Variants in CTNNA3 observed in about 807,000 individuals in gnomAD.
CTNNA3 encodes catenin alpha 3, also known as catenin alpha-3.
In CTNNA3, 76 loss-of-function variants were observed where a neutral mutation model predicts 95.7. The ratio of observed to expected loss-of-function variants is 0.79; its 90% CI spans 0.66 to 0.96. The LOEUF (loss-of-function observed/expected upper bound fraction) is 0.96, where lower values mean the gene tolerates loss of function less well. Ranked by LOEUF, CTNNA3 falls within the 40% of genes least tolerant of loss-of-function variation. CTNNA3 has a pLI of 0.00. For synonymous variants in CTNNA3, 431 were observed against 374.4 expected (o/e 1.15, Z -1.74); for missense variants, 1,191 against 1,089.8 (o/e 1.09, Z -1.31).
At chr10:66,926,462 A>G (rs1337020634) in intron 7 of CTNNA3, 27 of 1,162,616 alleles carry the variant, frequency 2.3e-5, no homozygotes, top group Non-Finnish European at 3.0e-5. Context: ...AAGGGGTCCA[A>G]TTTTTCTTCC....
chr10:67,651,789 C>T (rs1018506095), intron 1 of CTNNA3, among the ~76,000 whole-genome samples: 2 of 152,116 alleles, frequency 1.3e-5, no homozygotes, highest in Admixed American at 1.3e-4. Context: ...TATAGTTTGG[C>T]ATGACTTGTT....
chr10:67,148,652 A>G (rs1860947759), intron 7 of CTNNA3, among the ~76,000 whole-genome samples: 1 of 152,238 alleles, frequency 6.6e-6, no homozygotes, highest in Non-Finnish European at 1.5e-5. Flanking sequence ...ACTGACAAAC[A>G]TATCACATCA....
rs569526501 is a variant in CTNNA3 at position 66,204,594 on chromosome 10, C to A, written c.1884+75876G>T. On this transcript the variant is annotated intron_variant, in intron 13 of 17. Transcript: ENST00000433211. ...ATCTCCTCATAGGAATTAATACTAT[C>A]TCCTGGCACCTATAAATGACGAGTA... is the stretch of plus-strand genomic sequence containing the variant. Among the ~76,000 whole-genome samples, 150 of 152,310 alleles carry A rather than the reference C, an allele frequency of 9.8e-4. 1 individual carries two copies. The highest frequency in any genetic ancestry group is 3.4e-3 in the African/African-American group (142 of 41,574).
chr10:66,810,521 G>GTTCTCAATA (rs902452167), intron 7 of CTNNA3, among the ~76,000 whole-genome samples: 1 of 152,082 alleles, frequency 6.6e-6, no homozygotes, highest in Non-Finnish European at 1.5e-5. Flanking sequence ...CTTATTTTAG[G>GTTCTCAATA]TTCTCAATAT....
At chr10:66,080,522 T>C (rs1301035109) in intron 14 of CTNNA3, among the ~76,000 whole-genome samples, 1 of 152,150 alleles carries the variant, frequency 6.6e-6, no homozygotes, top group Non-Finnish European at 1.5e-5. Context: ...TACTTAAAGA[T>C]GTAGAATATG....
intron 1 of CTNNA3, among the ~76,000 whole-genome samples, chr10:67,743,472 CAATA>C (rs1460715655): frequency 1.3e-5 from 2 of 151,272 alleles, no homozygotes; most frequent in Admixed American, 6.6e-5. Flanking sequence ...TAAAAACTCT[CAATA>C]AATTAGGTAT....
chr10:65,990,504 A>T (rs2078522285), intron 15 of CTNNA3, among the ~76,000 whole-genome samples: 1 of 151,082 alleles, frequency 6.6e-6, no homozygotes, highest in Non-Finnish European at 1.5e-5. Context: ...ATGTTTTCAT[A>T]TACCTATTGG....
At chr10:67,583,292 A>G (rs1484815968) in intron 3 of CTNNA3, among the ~76,000 whole-genome samples, 72 of 151,412 alleles carry the variant, frequency 4.8e-4, no homozygotes, top group Admixed American at 7.9e-4. Context: ...TGTCTGTAAA[A>G]TATTTTATTT....
At chr10:67,749,643 T>A (rs1841393936) in intron 1 of CTNNA3, among the ~76,000 whole-genome samples, 2 of 152,190 alleles carry the variant, frequency 1.3e-5, no homozygotes, top group Non-Finnish European at 2.9e-5. Context: ...TACCAGAATT[T>A]CTGGGATGCA....
intron 10 of CTNNA3, among the ~76,000 whole-genome samples, chr10:66,597,963 A>C (rs1286471397): frequency 2.0e-5 from 3 of 152,050 alleles, no homozygotes; most frequent in Non-Finnish European, 4.4e-5. Flanking sequence ...GCTATTAGAC[A>C]CCGTTAGAAA....
intron 13 of CTNNA3, 115 bp from the exon 14 acceptor site, chr10:66,103,364 T>C (rs2081732399): frequency 1.3e-6 from 1 of 745,010 alleles, no homozygotes; most frequent in African/African-American, 1.7e-5. Flanking sequence ...GACCCAGCAA[T>C]TTCACTCCCA....
intron 9 of CTNNA3, among the ~76,000 whole-genome samples, chr10:66,764,172 G>A (rs947682990): frequency 1.3e-5 from 2 of 152,064 alleles, no homozygotes; most frequent in Non-Finnish European, 2.9e-5. Context: ...GAAACATGTC[G>A]AGTTAAATGA....
At chr10:67,497,218 TA>T (rs1839054208) in intron 5 of CTNNA3, among the ~76,000 whole-genome samples, 1 of 152,172 alleles carries the variant, frequency 6.6e-6, no homozygotes. Context: ...TTGCTGAGAA[TA>T]ATGGTTTCCA....
chr10:67,696,206 C>T (rs1428025965), upstream of CTNNA3: 1 of 152,058 alleles, frequency 6.6e-6, no homozygotes, highest in African/African-American at 2.4e-5. Context: ...AGGTTACAAG[C>T]CAGGGTGGGT....
At chr10:67,191,910 A>G (rs916655038) in intron 6 of CTNNA3, among the ~76,000 whole-genome samples, 1 of 152,002 alleles carries the variant, frequency 6.6e-6, no homozygotes, top group African/African-American at 2.4e-5. Context: ...CACCATTTGA[A>G]TAGAATTAAG....
chr10:66,721,502 T>G (rs1237914498), intron 9 of CTNNA3, among the ~76,000 whole-genome samples: 1 of 152,184 alleles, frequency 6.6e-6, no homozygotes, highest in Non-Finnish European at 1.5e-5. Flanking sequence ...ATTCTAAAAT[T>G]TGGAAACTAG....
intron 7 of CTNNA3, among the ~76,000 whole-genome samples, chr10:66,941,809 G>T (rs1848010485): frequency 6.6e-6 from 1 of 152,162 alleles, no homozygotes; most frequent in South Asian, 2.1e-4. Context: ...AATGACAAAA[G>T]AGGTTCTTAT....
intron 1 of CTNNA3, among the ~76,000 whole-genome samples, chr10:67,728,562 G>A (rs971176130): frequency 2.6e-5 from 4 of 151,642 alleles, no homozygotes; most frequent in Non-Finnish European, 4.4e-5. Flanking sequence ...AGGTTCAAGC[G>A]ATTCCAGGTG....
intron 7 of CTNNA3, among the ~76,000 whole-genome samples, chr10:67,141,973 G>A (rs1187094011): frequency 2.0e-5 from 3 of 151,980 alleles, no homozygotes; most frequent in Admixed American, 1.3e-4. Context: ...AAAATGATAA[G>A]AGGCTGGTAA....
Sources: gnomAD v4.1 joint callset for allele counts (sites outside exome capture counted in the v4.1 genomes callset) on GRCh38, gnomAD v4.1.1 for gene constraint, MANE v1.5 for transcripts, NCBI Gene and HGNC (gene_info 2026-07-23, HGNC 2026-07-21) for gene names.